The following CSMD3 variants were observed in gnomAD, a reference collection of about 807,000 sequenced individuals.
The protein encoded by CSMD3 is CUB and Sushi multiple domains 3, also known as CUB and sushi domain-containing protein 3.
CSMD3 carries 177 observed loss-of-function variants against 435.2 expected under a neutral mutation model. The ratio of observed to expected loss-of-function variants is 0.41; its 90% CI spans 0.36 to 0.46. The LOEUF is 0.46. Ranked by LOEUF, CSMD3 falls within the 20% of genes least tolerant of loss-of-function variation. The probability of loss-of-function intolerance (pLI) is 0.34; values close to 1 mark genes in which losing one functional copy is unlikely to be tolerated. For missense variants in CSMD3, 4,265 were observed against 4,504.6 expected (o/e 0.95, Z 1.52); for synonymous variants, 1,656 against 1,520.5 (o/e 1.09, Z -2.07).
intron 23 of CSMD3, among the ~76,000 whole-genome samples, chr8:112,579,010 TG>T (rs1434101249): frequency 1.3e-5 from 2 of 152,174 alleles, no homozygotes; most frequent in African/African-American, 4.8e-5. Context: ...TTATTGTTTT[TG>T]CCAGACTTTT....
At chr8:113,402,265 C>T (rs1369626180) in intron 1 of CSMD3, among the ~76,000 whole-genome samples, 2 of 151,116 alleles carry the variant, frequency 1.3e-5, no homozygotes, top group Non-Finnish European at 3.0e-5. Flanking sequence ...TCAAATTTGA[C>T]TCAAAATTTA....
intron 13 of CSMD3, among the ~76,000 whole-genome samples, chr8:112,717,705 A>C (rs761002957): frequency 8.5e-5 from 13 of 152,182 alleles, no homozygotes; most frequent in Non-Finnish European, 1.9e-4. Flanking sequence ...AATGTAGTAC[A>C]TATACACCAT....
chr8:113,276,873 T>A lies in CSMD3; in HGVS notation c.514+1719A>T, dbSNP rs115576698. On this transcript the variant is annotated intron_variant, in intron 3 of 70. Coordinates refer to ENST00000297405, the MANE Select transcript of CSMD3 (RefSeq NM_198123.2). ...CACATGCCAAACATACATTTAAATG[T>A]CAAAAATATATGAATCTATTTTACC... Among the ~76,000 whole-genome samples the A allele has an allele frequency of 7.1e-3, 1,083 of 152,052 alleles. 10 individuals carry two copies. Among genetic ancestry groups the A allele is most frequent in the African/African-American group, 0.025 (1,041 of 41,510 alleles).
chr8:112,903,455 A>T (rs2082164427), intron 10 of CSMD3, among the ~76,000 whole-genome samples: 1 of 151,264 alleles, frequency 6.6e-6, no homozygotes, highest in Non-Finnish European at 1.5e-5. Flanking sequence ...TATTATTATT[A>T]GAATGGGACA....
chr8:112,287,023 A>T (rs1186877991), intron 58 of CSMD3, 41 bp downstream of exon 58: 10 of 1,527,208 alleles, frequency 6.5e-6, no homozygotes, highest in Non-Finnish European at 9.1e-6. Context: ...ACACACTAAA[A>T]TCCAGTAGTT....
chr8:112,405,214 CATAT>C (rs71309768), intron 35 of CSMD3, among the ~76,000 whole-genome samples: 413 of 19,050 alleles, frequency 0.022, 32 homozygotes, highest in Middle Eastern at 0.042. Context: ...AAAAAACCCC[CATAT>C]ATATATATAT....
rs570231171 is a variant in CSMD3 at position 112,346,412 on chromosome 8, C to T, written c.6326-199G>A. Among the ~76,000 whole-genome samples the T allele has an allele frequency of 2.0e-5, 3 of 149,332 alleles. No homozygotes were observed. The East Asian group carries it at 5.8e-4, about 29-fold the overall frequency. Reference sequence around the variant, plus strand: ...TTTCTAAAACAGCATAAAAAGACAACATCCTTCCTTCCTCAGAAATAAGTG... The same window carrying T: ...TTTCTAAAACAGCATAAAAAGACAATATCCTTCCTTCCTCAGAAATAAGTG... On this transcript the variant is annotated intron_variant, in intron 40 of 70. Transcript: ENST00000297405.
intron 59 of CSMD3, among the ~76,000 whole-genome samples, chr8:112,269,396 T>C (rs1036969322): frequency 1.3e-5 from 2 of 152,202 alleles, no homozygotes. Flanking sequence ...GAACAAGACT[T>C]CCCAGATGCA....
intron 13 of CSMD3, among the ~76,000 whole-genome samples, chr8:112,768,001 T>C (rs1299443461): frequency 2.0e-5 from 3 of 151,812 alleles, no homozygotes; most frequent in African/African-American, 7.2e-5. Context: ...AATCAAATTA[T>C]CTGCTGGGTA....
chr8:112,512,279 A>G (rs1368877864), intron 28 of CSMD3, among the ~76,000 whole-genome samples: 1 of 152,216 alleles, frequency 6.6e-6, no homozygotes. Context: ...ATAGTATTGT[A>G]AAATATATTT....
intron 12 of CSMD3, among the ~76,000 whole-genome samples, chr8:112,808,430 T>G (rs1380644045): frequency 1.3e-5 from 2 of 152,102 alleles, no homozygotes; most frequent in Non-Finnish European, 2.9e-5. Context: ...GTTCCTTCAC[T>G]TGCAGCCCCT....
In CSMD3 at chr8:112,655,625, A is replaced by G. The variant is rs1026440104; in HGVS notation, c.3004+529T>C. Among the ~76,000 whole-genome samples the G allele has an allele frequency of 1.4e-3, 215 of 152,146 alleles. 1 individual carries two copies. The highest frequency in any genetic ancestry group is 1.4e-3 in the Non-Finnish European group (98 of 67,920). Reference sequence around the variant, plus strand: ...ACTCTGAATTATAGCTTGTATTAATATAGTTTTCTCGACTTATATTAATCA... The same window carrying G: ...ACTCTGAATTATAGCTTGTATTAATGTAGTTTTCTCGACTTATATTAATCA... On this transcript the variant is annotated intron_variant, in intron 18 of 70. Coordinates refer to ENST00000297405, the MANE Select transcript of CSMD3 (RefSeq NM_198123.2).
intron 3 of CSMD3, among the ~76,000 whole-genome samples, chr8:113,197,597 A>C (rs1325933075): frequency 1.3e-5 from 2 of 151,394 alleles, no homozygotes; most frequent in East Asian, 3.9e-4. Flanking sequence ...TTACTGTAGA[A>C]AAACTTTATA....
Position 112,865,684 on chromosome 8 carries a change from CCCCACACACA to C in CSMD3, c.1634-6428_1634-6419del, listed in dbSNP as rs1389770992. 8.3e-3 allele frequency among the ~76,000 whole-genome samples: 1,135 copies of C among 136,370 alleles called. 14 individuals carry two copies. Among genetic ancestry groups the C allele is most frequent in the Middle Eastern group, 0.045 (12 of 266 alleles). 89.5% of individuals were successfully genotyped at this position (136,370 alleles called of 152,430 possible). A position where few individuals can be genotyped will look rare whatever the true frequency, so the allele number is the denominator to read the frequency against. ...GTTTCTTAAGTATTACCTTTACATA[CCCCACACACA>C]CACACACACACACACACACACACAC... On this transcript the variant is annotated intron_variant, in intron 10 of 70. Transcript: ENST00000297405.
At chr8:113,220,097 T>C (rs903607008) in intron 3 of CSMD3, among the ~76,000 whole-genome samples, 2 of 151,236 alleles carry the variant, frequency 1.3e-5, no homozygotes, top group African/African-American at 2.4e-5. Flanking sequence ...TTTGAAAAAA[T>C]TGGAAAGCTT....
chr8:113,087,587 G>A (rs1179651321), intron 5 of CSMD3, among the ~76,000 whole-genome samples: 1 of 151,982 alleles, frequency 6.6e-6, no homozygotes, highest in Non-Finnish European at 1.5e-5. Context: ...TGACAAACCT[G>A]ACAAAAACAA....
intron 4 of CSMD3, among the ~76,000 whole-genome samples, chr8:113,167,359 C>T (rs2092172784): frequency 6.6e-6 from 1 of 152,070 alleles, no homozygotes; most frequent in Non-Finnish European, 1.5e-5. Flanking sequence ...ATTTCTTTAA[C>T]CTTCACCATT....
chr8:113,302,278 T>TA (rs1297125739), intron 2 of CSMD3, among the ~76,000 whole-genome samples: 2 of 21,672 alleles, frequency 9.2e-5, no homozygotes, highest in East Asian at 4.3e-3. Flanking sequence ...TAATATATAA[T>TA]TATAATATAT....
At chr8:112,599,216 A>G (rs1267480690) in intron 22 of CSMD3, among the ~76,000 whole-genome samples, 1 of 150,918 alleles carries the variant, frequency 6.6e-6, no homozygotes, top group African/African-American at 2.4e-5. Context: ...AAGGACATGA[A>G]CAGACACTTC....
Sources: allele counts gnomAD v4.1 joint callset (sites outside exome capture counted in the v4.1 genomes callset), GRCh38; gene constraint gnomAD v4.1.1; transcripts MANE v1.5; gene names NCBI Gene and HGNC (gene_info 2026-07-23, HGNC 2026-07-21).